The following KAZN variants were observed in gnomAD, a reference collection of about 807,000 sequenced individuals.
The protein encoded by KAZN is kazrin, periplakin interacting protein, also known as kazrin.
A neutral mutation model predicts 87.4 loss-of-function variants in KAZN; 40 were observed. That is an observed-to-expected ratio of 0.46 (90% CI 0.36 to 0.60). KAZN has a LOEUF of 0.60. Among genes scored for constraint, KAZN ranks in the 20% least tolerant of loss-of-function variants. The pLI, the probability that KAZN is intolerant of heterozygous loss-of-function variation, is 0.00. For synonymous variants in KAZN, 466 were observed against 458.3 expected (o/e 1.02, Z -0.22); for missense variants, 898 against 1,073.9 (o/e 0.84, Z 2.29).
At chr1:14,382,781 G>A (rs1469037427) in intron 2 of KAZN, among the ~76,000 whole-genome samples, 3 of 149,968 alleles carry the variant, frequency 2.0e-5, no homozygotes, top group Non-Finnish European at 1.5e-5. Context: ...ATAAACATAC[G>A]TGTGCATGTG....
Position 14,029,007 on chromosome 1 carries a change from T to C in KAZN, c.91+135251T>C, listed in dbSNP as rs1309369043. On this transcript the variant is annotated intron_variant, in intron 1 of 16. Coordinates refer to the KAZN transcript ENST00000636203. ...TATACCCAGTAATGGGATGGCTGGG[T>C]CAAATGGTATTTCTAATTCTAGATC... is the stretch of plus-strand genomic sequence containing the variant. Among the ~76,000 whole-genome samples the C allele has an allele frequency of 2.6e-5, 4 of 152,170 alleles. 1 individual carries two copies. In the South Asian group the frequency reaches 8.3e-4, roughly 32 times the overall value.
At chr1:14,550,921 C>A (rs1261509966) in intron 2 of KAZN, among the ~76,000 whole-genome samples, 1 of 151,448 alleles carries the variant, frequency 6.6e-6, no homozygotes, top group Non-Finnish European at 1.5e-5. Context: ...CCCCAGACAA[C>A]TCTTCTCCCC....
chr1:14,452,130 G>A (rs1185965980), intron 2 of KAZN, among the ~76,000 whole-genome samples: 1 of 151,896 alleles, frequency 6.6e-6, no homozygotes, highest in African/African-American at 2.4e-5. Flanking sequence ...AGAAGAGATG[G>A]GGTTTCACCA....
At chr1:14,020,605 C>G (rs1640779281) in intron 1 of KAZN, among the ~76,000 whole-genome samples, 1 of 152,174 alleles carries the variant, frequency 6.6e-6, no homozygotes, top group Admixed American at 6.5e-5. Context: ...ATGTACTGTG[C>G]TGGATATGCA....
chr1:14,955,799 C>T (rs765167596), intron 1 of KAZN, among the ~76,000 whole-genome samples: 21 of 152,344 alleles, frequency 1.4e-4, no homozygotes, highest in Admixed American at 1.1e-3. Flanking sequence ...AAGACCCTGG[C>T]AGATGCCCTT....
intron 1 of KAZN, among the ~76,000 whole-genome samples, chr1:14,864,792 C>CTGGG (rs1473765442): frequency 1.3e-5 from 2 of 152,070 alleles, no homozygotes; most frequent in Non-Finnish European, 2.9e-5. Context: ...CCTGTATCAG[C>CTGGG]GGCACCACTT....
At chr1:14,705,297 A>C (rs1428551895) in intron 1 of KAZN, among the ~76,000 whole-genome samples, 1 of 152,200 alleles carries the variant, frequency 6.6e-6, no homozygotes, top group Non-Finnish European at 1.5e-5. Context: ...TAAAGGCCTT[A>C]TGTCCAAGAG....
intron 1 of KAZN, among the ~76,000 whole-genome samples, chr1:14,887,659 C>T (rs1162314960): frequency 2.7e-5 from 4 of 148,272 alleles, no homozygotes; most frequent in African/African-American, 1.0e-4. Flanking sequence ...ATCAACCCGT[C>T]GTGGTAGTTT....
intron 2 of KAZN, among the ~76,000 whole-genome samples, chr1:14,382,475 C>T (rs1175508433): frequency 3.1e-5 from 3 of 95,586 alleles, no homozygotes; most frequent in Non-Finnish European, 6.1e-5. Context: ...CCCCTCCCCC[C>T]ACCCCACAAC....
intron 2 of KAZN, among the ~76,000 whole-genome samples, chr1:14,592,838 G>A (rs940147122): frequency 3.1e-4 from 47 of 152,180 alleles, no homozygotes; most frequent in Admixed American, 1.0e-3. Flanking sequence ...TCCCACGTAC[G>A]GATTCCTGGA....
intron 1 of KAZN, among the ~76,000 whole-genome samples, chr1:14,864,884 T>C (rs748122175): frequency 2.0e-5 from 3 of 152,014 alleles, no homozygotes; most frequent in Non-Finnish European, 4.4e-5. Context: ...CACAAGATGG[T>C]TGTGATGTTG....
chr1:15,090,543 A>G (rs1640486115), intron 8 of KAZN, among the ~76,000 whole-genome samples: 1 of 152,186 alleles, frequency 6.6e-6, no homozygotes, highest in Non-Finnish European at 1.5e-5. Context: ...ACCTGGCAGG[A>G]AGGTGGGGCC....
chr1:14,391,893 G>T (rs1662468544), intron 2 of KAZN, among the ~76,000 whole-genome samples: 1 of 152,050 alleles, frequency 6.6e-6, no homozygotes, highest in Non-Finnish European at 1.5e-5. Context: ...TCCTCACAAT[G>T]TCAACCCTGG....
chr1:15,020,118 A>G (rs1447009472), intron 2 of KAZN, among the ~76,000 whole-genome samples: 1 of 152,002 alleles, frequency 6.6e-6, no homozygotes, highest in Non-Finnish European at 1.5e-5. Context: ...GCCCTGCCTC[A>G]CTGCTACCCC....
intron 1 of KAZN, among the ~76,000 whole-genome samples, chr1:14,004,148 C>T (rs772280996): frequency 3.3e-5 from 5 of 151,332 alleles, no homozygotes; most frequent in South Asian, 2.1e-4. Context: ...ATCAGGGAAC[C>T]GTGAATTAAA....
upstream of KAZN, among the ~76,000 whole-genome samples, chr1:14,596,411 TTGTG>T (rs1676517911): frequency 6.6e-6 from 1 of 152,222 alleles, no homozygotes; most frequent in Admixed American, 6.5e-5. Context: ...TCCTCTCTAT[TTGTG>T]TATTTGCATA....
intron 2 of KAZN, among the ~76,000 whole-genome samples, chr1:14,374,980 C>T (rs1479027937): frequency 6.6e-6 from 1 of 152,176 alleles, no homozygotes; most frequent in East Asian, 1.9e-4. Flanking sequence ...TTTACCCAAA[C>T]TCTAGAGCAC....
chr1:14,393,499 T>C (rs1235190831), intron 2 of KAZN, among the ~76,000 whole-genome samples: 1 of 152,168 alleles, frequency 6.6e-6, no homozygotes, highest in Non-Finnish European at 1.5e-5. Context: ...AAATCAACCG[T>C]ATTCCTTCAA....
rs190289272 is a variant in KAZN at position 14,971,789 on chromosome 1, C to A, written c.418+10914C>A. On this transcript the variant is annotated intron_variant, in intron 2 of 14. Coordinates refer to ENST00000376030, the MANE Select transcript of KAZN (RefSeq NM_201628.3). ...CTCCGCCTCCCGGGTTCACACCATT[C>A]GGCACCAGGAGTTTTAATGCATTCT... is the stretch of plus-strand genomic sequence containing the variant. 2.0e-5 allele frequency among the ~76,000 whole-genome samples: 3 copies of A among 149,362 alleles called. No individual in the cohort carries two copies. In the East Asian group the frequency reaches 6.1e-4, roughly 30 times the overall value.
Sources: gnomAD v4.1 joint callset for allele counts (sites outside exome capture counted in the v4.1 genomes callset) on GRCh38, gnomAD v4.1.1 for gene constraint, MANE v1.5 for transcripts, NCBI Gene and HGNC (gene_info 2026-07-23, HGNC 2026-07-21) for gene names.